Variants in SEMA4D observed in about 807,000 individuals in gnomAD.
SEMA4D encodes the protein semaphorin 4D, also known as semaphorin-4D.
SEMA4D carries 22 observed loss-of-function variants against 74.8 expected under a neutral mutation model. The observed-to-expected ratio is 0.29, with a 90% confidence interval of 0.21 to 0.42. The LOEUF (loss-of-function observed/expected upper bound fraction) is 0.42, where lower values mean the gene tolerates loss of function less well. Among genes scored for constraint, SEMA4D ranks in the 10% least tolerant of loss-of-function variants. The pLI, the probability that SEMA4D is intolerant of heterozygous loss-of-function variation, is 1.00. For synonymous variants in SEMA4D, 445 were observed against 463.7 expected (o/e 0.96, Z 0.52); for missense variants, 937 against 1,118.4 (o/e 0.84, Z 2.31).
intron 2 of SEMA4D, among the ~76,000 whole-genome samples, chr9:89,437,736 C>T (rs1267058721): frequency 2.0e-5 from 3 of 152,114 alleles, no homozygotes; most frequent in African/African-American, 7.2e-5. Context: ...CTTGAGCAGG[C>T]ACAGGTGACA....
intron 2 of SEMA4D, among the ~76,000 whole-genome samples, chr9:89,422,589 G>A (rs191257752): frequency 1.1e-3 from 170 of 152,366 alleles, no homozygotes; most frequent in Non-Finnish European, 2.0e-3. Flanking sequence ...TCCCCGTGCC[G>A]TTTATTACGT....
chr9:89,378,437 C>T lies in SEMA4D; in HGVS notation c.*267G>A, dbSNP rs140920929. 9 of 415,054 alleles carry T rather than the reference C, an allele frequency of 2.2e-5. No individual in the cohort carries two copies. Among genetic ancestry groups the T allele is most frequent in the Non-Finnish European group, 3.5e-5 (8 of 229,326 alleles). The allele number at this position is 415,054 out of a possible 1,614,324, so 25.7% of individuals were successfully genotyped here. ...CAGAAAGGGCTCAGGAACTCCGTGCCGCCCGTGGGCCTTCTTCAAGTACTC... is the reference window on the plus strand; with the variant it reads ...CAGAAAGGGCTCAGGAACTCCGTGCTGCCCGTGGGCCTTCTTCAAGTACTC... On this transcript the variant is annotated 3_prime_UTR_variant, in exon 16 of 16. Coordinates refer to ENST00000422704, the MANE Select transcript of SEMA4D (RefSeq NM_001371194.2).
intron 2 of SEMA4D, among the ~76,000 whole-genome samples, chr9:89,453,096 T>G (rs1325381379): frequency 3.3e-5 from 5 of 152,218 alleles, no homozygotes; most frequent in Admixed American, 3.3e-4. Flanking sequence ...GACGTGGAAC[T>G]GTATCTGCTA....
At chr9:89,375,249 G>T (rs1835633589), downstream of SEMA4D, among the ~76,000 whole-genome samples, 1 of 152,208 alleles carries the variant, frequency 6.6e-6, no homozygotes, top group African/African-American at 2.4e-5. Flanking sequence ...ATGGAGACAT[G>T]AAGTCCTCTG....
chr9:89,388,577 G>A (rs1839089125), intron 11 of SEMA4D, 59 bp downstream of exon 11: 1 of 1,555,618 alleles, frequency 6.4e-7, no homozygotes, highest in East Asian at 2.3e-5. Flanking sequence ...GCCTGTACTG[G>A]ATTCCATGCC....
At chr9:89,471,197 C>A (rs2135953224) in intron 1 of SEMA4D, among the ~76,000 whole-genome samples, 1 of 152,210 alleles carries the variant, frequency 6.6e-6, no homozygotes, top group South Asian at 2.1e-4. Flanking sequence ...GTCACAGCGA[C>A]AGAAAGGGGA....
At chr9:89,422,578 A>G (rs1847206163) in intron 2 of SEMA4D, among the ~76,000 whole-genome samples, 1 of 152,256 alleles carries the variant, frequency 6.6e-6, no homozygotes, top group African/African-American at 2.4e-5. Flanking sequence ...ATGCGTGCGC[A>G]TCCCCGTGCC....
At chr9:89,406,617 G>T (rs960549243) in intron 2 of SEMA4D, among the ~76,000 whole-genome samples, 5 of 152,188 alleles carry the variant, frequency 3.3e-5, no homozygotes, top group African/African-American at 1.2e-4. Flanking sequence ...TGCACCCCTG[G>T]GTTCACTCTA....
chr9:89,412,831 G>GT (rs965215053), intron 2 of SEMA4D, among the ~76,000 whole-genome samples: 10 of 150,918 alleles, frequency 6.6e-5, no homozygotes, highest in Non-Finnish European at 1.0e-4. Context: ...ACACTGGAGG[G>GT]TTTTTTTTTC....
At chr9:89,476,299 C>T (rs1322935026) in intron 1 of SEMA4D, among the ~76,000 whole-genome samples, 5 of 152,196 alleles carry the variant, frequency 3.3e-5, no homozygotes, top group South Asian at 2.1e-4. Flanking sequence ...TAGCATGCCA[C>T]GGGGCCCGTG....
At chr9:89,435,989 G>A (rs1850315244) in intron 2 of SEMA4D, among the ~76,000 whole-genome samples, 1 of 152,090 alleles carries the variant, frequency 6.6e-6, no homozygotes, top group African/African-American at 2.4e-5. Context: ...CGCCCCCGCT[G>A]CCCCCCACCC....
intron 1 of SEMA4D, chr9:89,479,436 T>C (rs1862605197): frequency 1.3e-5 from 2 of 154,210 alleles, no homozygotes; most frequent in Non-Finnish European, 2.9e-5. Context: ...AGCCCCGTCC[T>C]CGTTGGGCAG....
At chr9:89,374,323 A>G (rs1053777344), downstream of SEMA4D, among the ~76,000 whole-genome samples, 1 of 152,196 alleles carries the variant, frequency 6.6e-6, no homozygotes, top group East Asian at 1.9e-4. Flanking sequence ...TCCATCTGTG[A>G]CCGCCAGCTT....
intron 2 of SEMA4D, among the ~76,000 whole-genome samples, chr9:89,454,431 C>T (rs1461314672): frequency 2.6e-5 from 4 of 152,168 alleles, no homozygotes; most frequent in Non-Finnish European, 4.4e-5. Context: ...CCCAGATTTT[C>T]ACTCCCTCCT....
chr9:89,393,148 A>G (rs1387867820), intron 7 of SEMA4D, among the ~76,000 whole-genome samples: 1 of 152,256 alleles, frequency 6.6e-6, no homozygotes, highest in Admixed American at 6.5e-5. Flanking sequence ...TGGGGCAATA[A>G]GTAAACATGA....
At chr9:89,475,567 A>G (rs1480964306) in intron 1 of SEMA4D, among the ~76,000 whole-genome samples, 5 of 152,222 alleles carry the variant, frequency 3.3e-5, no homozygotes, top group African/African-American at 4.8e-5. Flanking sequence ...GAAAAGAAAG[A>G]GAAGAGCCAC....
exon 18 of SEMA4D, chr9:89,363,436 C>T: frequency 1.2e-6 from 2 of 1,613,296 alleles, no homozygotes; most frequent in Non-Finnish European, 1.7e-6. Flanking sequence ...TTACCCACGC[C>T]TTCCTCCAGC....
intron 1 of SEMA4D, among the ~76,000 whole-genome samples, chr9:89,496,862 C>G (rs565480744): frequency 4.6e-5 from 7 of 152,224 alleles, no homozygotes; most frequent in Non-Finnish European, 1.0e-4. Context: ...CGTTCCGTGG[C>G]GCCTGGTGGA....
At chr9:89,418,514 A>T in intron 2 of SEMA4D, 1 of 688,206 alleles carries the variant, frequency 1.5e-6, no homozygotes, top group Non-Finnish European at 1.8e-6. Flanking sequence ...TTCATGAGGC[A>T]AAGAAGGAAA....
Sources: allele counts gnomAD v4.1 joint callset (sites outside exome capture counted in the v4.1 genomes callset), GRCh38; gene constraint gnomAD v4.1.1; transcripts MANE v1.5; gene names NCBI Gene and HGNC (gene_info 2026-07-23, HGNC 2026-07-21).